OTULIN: variants seen among roughly 807,000 people sequenced by gnomAD.
OTULIN encodes the protein ubiquitin thioesterase otulin.
A neutral mutation model predicts 39.6 loss-of-function variants in OTULIN; 15 were observed. The observed-to-expected ratio is 0.38, with a 90% CI of 0.25 to 0.58. The LOEUF (loss-of-function observed/expected upper bound fraction) is 0.58. Among genes scored for constraint, OTULIN ranks in the 20% least tolerant of loss-of-function variants. The pLI, the probability that OTULIN is intolerant of heterozygous loss-of-function variation, is 0.66. For missense variants in OTULIN, 319 were observed against 445.9 expected, an observed-to-expected ratio of 0.72 and a Z score of 2.56; for synonymous variants, 156 against 170.3, an observed-to-expected ratio of 0.92 and a Z score of 0.65.
chr5:14,701,519 C>T (rs1248732482), downstream of OTULIN, among the ~76,000 whole-genome samples: 2 of 152,190 alleles, frequency 1.3e-5, no homozygotes, highest in Admixed American at 6.5e-5. Flanking sequence ...CTCAGGACCC[C>T]ATTTCAAGCT....
intron 2 of OTULIN, among the ~76,000 whole-genome samples, chr5:14,678,224 G>A (rs1389211129): frequency 1.3e-5 from 2 of 152,256 alleles, no homozygotes; most frequent in African/African-American, 2.4e-5. Flanking sequence ...AGCTCTGCAG[G>A]TGCGGGGAAG....
At position 14,696,682 on chromosome 5, in the gene OTULIN, AATCTGAATGAATGG is replaced by A. The variant is rs1312524201; in HGVS notation, c.*3636_*3649del. The A allele has an allele frequency of 2.6e-5, 4 of 152,334 alleles. No homozygotes were observed. Among genetic ancestry groups the A allele is most frequent in the Admixed American group, 1.3e-4 (2 of 15,310 alleles). The allele number at this position is 152,334 out of a possible 1,614,324, so 9.4% of individuals were successfully genotyped here. The stretch of plus-strand genomic sequence containing the variant: ...TGTGCTTAAGTTATAGAAGAATAAA[AATCTGAATGAATGG>A]AAGGCCTTACGTGTATACAGTTTAC... On this transcript the variant is annotated 3_prime_UTR_variant, in exon 7 of 7. Coordinates refer to ENST00000284274, the MANE Select transcript of OTULIN (RefSeq NM_138348.6).
At chr5:14,711,820 C>A in the OTULIN span, among the ~76,000 whole-genome samples, 2 of 152,256 alleles carry the variant, frequency 1.3e-5, no homozygotes, top group African/African-American at 4.8e-5. Flanking sequence ...CCTGTTCTTA[C>A]AATAAATGGC....
At chr5:14,683,989 A>T (rs1736323225) in intron 4 of OTULIN, among the ~76,000 whole-genome samples, 1 of 152,164 alleles carries the variant, frequency 6.6e-6, no homozygotes, top group South Asian at 2.1e-4. Flanking sequence ...TGTGTGAGTG[A>T]TGGGGTTTTA....
rs374358326 is a variant in OTULIN, at chr5:14,690,395, AT to A, written c.864+89del. The A allele has an allele frequency of 1.0e-3, 1,517 of 1,484,874 alleles. 21 individuals carry two copies. The South Asian group carries it at 0.018, about 18-fold the overall frequency. The allele number at this position is 1,484,874 out of a possible 1,614,324, so 92.0% of individuals were successfully genotyped here. A position where few individuals can be genotyped will look rare whatever the true frequency, so the allele number is the denominator to read the frequency against. ...ATGTCACAGTTTTTGTAGGTCAGAA[AT>A]TCAGGGACAGCTTAGTTGGATGGTT... On this transcript the variant is annotated intron_variant, in intron 6 of 6. Transcript: ENST00000284274. This position sits in a 1 kb window ranked among gnomAD's most constrained non-coding sequence, Gnocchi z 4.5.
chr5:14,700,738 G>T, downstream of OTULIN, among the ~76,000 whole-genome samples: 1 of 150,318 alleles, frequency 6.7e-6, no homozygotes, highest in Non-Finnish European at 1.5e-5. Context: ...GAGCAGAACT[G>T]GCATGACTCC....
At chr5:14,711,221 C>T in the OTULIN span, 1 of 1,614,164 alleles carries the variant, frequency 6.2e-7, no homozygotes. Flanking sequence ...CTCTCATTTC[C>T]ACGATGTCTG....
the OTULIN span, chr5:14,711,373 G>T: frequency 7.1e-7 from 1 of 1,412,326 alleles, no homozygotes; most frequent in Non-Finnish European, 1.0e-6. Context: ...GCAGAACCAC[G>T]AGCAGGGAGA....
At position 14,684,922 on chromosome 5, in the gene OTULIN, G is replaced by C. The variant is rs1736347712; in HGVS notation, c.469-2599G>C. 2.0e-5 allele frequency among the ~76,000 whole-genome samples: 3 copies of C among 152,178 alleles called. No individual in the cohort carries two copies. The South Asian group carries it at 6.2e-4, about 31-fold the overall frequency. On this transcript the variant is annotated intron_variant, in intron 4 of 6. Coordinates refer to ENST00000284274, the MANE Select transcript of OTULIN (RefSeq NM_138348.6). ...TATTTGCCCCTCTGACAGTTCGGCT[G>C]TCCCTCACCTCCTGTCATCCTGCCC...
intron 4 of OTULIN, among the ~76,000 whole-genome samples, chr5:14,683,294 ATTTTC>A (rs1393660070): frequency 1.3e-5 from 2 of 152,184 alleles, no homozygotes; most frequent in East Asian, 3.9e-4. Context: ...TGGGAAAGAT[ATTTTC>A]TTCTAAGCAA....
At position 14,693,814 on chromosome 5, in the gene OTULIN, A is replaced by G. The variant is rs994026561; in HGVS notation, c.*766A>G. 19 of 152,240 alleles carry G rather than the reference A, an allele frequency of 1.2e-4. No individual in the cohort carries two copies. The highest frequency in any genetic ancestry group is 4.6e-4 in the African/African-American group (19 of 41,454). The allele number at this position is 152,240 out of a possible 1,614,324, so 9.4% of individuals were successfully genotyped here. A position where few individuals can be genotyped will look rare whatever the true frequency, so the allele number is the denominator to read the frequency against. ...CTAGAACTTCTTGCTCCTTGTGACTATGACAGATGTCTGATGCCCCCAGCG... is the reference window on the plus strand; with the variant it reads ...CTAGAACTTCTTGCTCCTTGTGACTGTGACAGATGTCTGATGCCCCCAGCG... On this transcript the variant is annotated 3_prime_UTR_variant, in exon 7 of 7. Transcript: ENST00000284274.
the OTULIN span, among the ~76,000 whole-genome samples, chr5:14,712,465 C>T: frequency 6.6e-6 from 1 of 152,248 alleles, no homozygotes; most frequent in Non-Finnish European, 1.5e-5. Flanking sequence ...AGAGGCTGCC[C>T]GAGCTCCTGT....
the OTULIN span, chr5:14,710,972 G>GT: frequency 3.7e-6 from 2 of 538,690 alleles, no homozygotes; most frequent in South Asian, 4.0e-5. Context: ...CAGTTGTTTC[G>GT]TTTGTTTTTA....
At position 14,667,476 on chromosome 5, in the gene OTULIN, G is replaced by A. The variant is rs529837747; in HGVS notation, c.152+2499G>A. Among the ~76,000 whole-genome samples, 8 of 152,244 alleles carry A rather than the reference G, an allele frequency of 5.3e-5. No homozygotes were observed. In the South Asian group the frequency reaches 6.2e-4, roughly 12 times the overall value. Reference sequence around the variant, plus strand: ...TAGCCTCAACCTTCTGGGCTCAAGCGATCCTCCCACCTCAGCCTCCTAAGT... The same window carrying A: ...TAGCCTCAACCTTCTGGGCTCAAGCAATCCTCCCACCTCAGCCTCCTAAGT... On this transcript the variant is annotated intron_variant, in intron 1 of 6. Coordinates refer to ENST00000284274, the MANE Select transcript of OTULIN (RefSeq NM_138348.6).
chr5:14,684,825 G>C (rs1156378299), intron 4 of OTULIN, among the ~76,000 whole-genome samples: 1 of 152,216 alleles, frequency 6.6e-6, no homozygotes, highest in African/African-American at 2.4e-5. Flanking sequence ...GAAGACCCGG[G>C]CTTCCTTTCT....
At position 14,684,917 on chromosome 5, in the gene OTULIN, C is replaced by T. The variant is rs1014114686; in HGVS notation, c.469-2604C>T. Among the ~76,000 whole-genome samples, 7 of 152,304 alleles carry T rather than the reference C, an allele frequency of 4.6e-5. No individual in the cohort carries two copies. The East Asian group carries it at 5.8e-4, about 13-fold the overall frequency. ...GTCCTTATTTGCCCCTCTGACAGTT[C>T]GGCTGTCCCTCACCTCCTGTCATCC... On this transcript the variant is annotated intron_variant, in intron 4 of 6. Transcript: ENST00000284274.
intron 1 of OTULIN, among the ~76,000 whole-genome samples, chr5:14,671,496 T>G (rs1174586943): frequency 6.6e-6 from 1 of 152,236 alleles, no homozygotes; most frequent in African/African-American, 2.4e-5. Flanking sequence ...GTCCCTTATT[T>G]TATAAAGCCA....
chr5:14,676,222 C>A (rs1293366230), intron 2 of OTULIN, among the ~76,000 whole-genome samples: 1 of 152,230 alleles, frequency 6.6e-6, no homozygotes, highest in Non-Finnish European at 1.5e-5. Context: ...TGGCTTACCA[C>A]TCTGGTTTTC....
At chr5:14,712,735 C>CT in the OTULIN span, 1 of 861,474 alleles carries the variant, frequency 1.2e-6, no homozygotes, top group South Asian at 1.5e-5. Context: ...TCCAGCCACC[C>CT]TAAGCCACGA....
Sources: gnomAD v4.1 joint callset for allele counts (sites outside exome capture counted in the v4.1 genomes callset) on GRCh38, gnomAD v4.1.1 for gene constraint, Gnocchi (gnomAD v3.1) non-coding constraint, MANE v1.5 for transcripts, NCBI Gene and HGNC (gene_info 2026-07-23, HGNC 2026-07-21) for gene names.